Variants in SIK3 observed in about 807,000 individuals in gnomAD.
SIK3 encodes serine/threonine-protein kinase SIK3.
SIK3 carries 28 observed loss-of-function variants against 144.2 expected under a neutral mutation model. The ratio of observed to expected loss-of-function variants is 0.19; its 90% CI spans 0.14 to 0.27. SIK3 has a LOEUF of 0.27. Ranked by LOEUF, SIK3 falls within the 10% of genes least tolerant of loss-of-function variation. The probability of loss-of-function intolerance (pLI) is 1.00; values close to 1 mark genes in which losing one functional copy is unlikely to be tolerated. For missense variants in SIK3, 1,319 were observed against 1,776.0 expected, an observed-to-expected ratio of 0.74 and a Z score of 4.62; for synonymous variants, 686 against 676.3, an observed-to-expected ratio of 1.01 and a Z score of -0.22.
At chr11:116,935,818 G>A (rs959769149) in intron 3 of SIK3, among the ~76,000 whole-genome samples, 1 of 152,182 alleles carries the variant, frequency 6.6e-6, no homozygotes, top group African/African-American at 2.4e-5. Context: ...AACAGCTCAA[G>A]TACATGTCTC....
intron 1 of SIK3, among the ~76,000 whole-genome samples, chr11:117,087,326 C>G (rs996843671): frequency 6.6e-6 from 1 of 151,976 alleles, no homozygotes; most frequent in Non-Finnish European, 1.5e-5. Context: ...ACCTGTAATC[C>G]CAGCTACTAG....
intron 1 of SIK3, among the ~76,000 whole-genome samples, chr11:117,063,327 A>G (rs1953881655): frequency 6.6e-6 from 1 of 152,130 alleles, no homozygotes; most frequent in African/African-American, 2.4e-5. Flanking sequence ...TTCCCCCACA[A>G]AGGAGGGGGA....
chr11:116,980,688 A>G (rs1950109954), intron 1 of SIK3, among the ~76,000 whole-genome samples: 1 of 152,110 alleles, frequency 6.6e-6, no homozygotes, highest in Non-Finnish European at 1.5e-5. Flanking sequence ...CCCTGTCTCT[A>G]CTAAAAATAA....
chr11:117,005,583 T>C (rs2135642461), intron 1 of SIK3, among the ~76,000 whole-genome samples: 1 of 152,210 alleles, frequency 6.6e-6, no homozygotes, highest in East Asian at 1.9e-4. Flanking sequence ...TTGAATCCAG[T>C]CATGTCATTT....
At chr11:117,000,300 G>A (rs940696424) in intron 1 of SIK3, among the ~76,000 whole-genome samples, 2 of 152,292 alleles carry the variant, frequency 1.3e-5, no homozygotes, top group African/African-American at 4.8e-5. Flanking sequence ...CAATACAGAA[G>A]ATGTGCACAG....
intron 3 of SIK3, among the ~76,000 whole-genome samples, chr11:116,932,519 C>T (rs1947671424): frequency 6.6e-6 from 1 of 152,150 alleles, no homozygotes; most frequent in Non-Finnish European, 1.5e-5. Context: ...CGGACTCAGT[C>T]ATTACTGAGT....
intron 4 of SIK3, 82 bp from the exon 5 acceptor site, chr11:116,897,399 A>G: frequency 2.5e-6 from 3 of 1,211,002 alleles, no homozygotes; most frequent in Middle Eastern, 2.2e-4. Flanking sequence ...GTCACTAAAG[A>G]TTCCAAATCA....
intron 1 of SIK3, among the ~76,000 whole-genome samples, chr11:117,091,744 C>A (rs1210571686): frequency 6.6e-6 from 1 of 152,158 alleles, no homozygotes. Flanking sequence ...AGGATTCTTG[C>A]TCTTAACCAT....
chr11:116,858,740 G>A lies in SIK3; in HGVS notation c.2766-41C>T. 3 of 1,515,344 alleles carry A rather than the reference G, an allele frequency of 2.0e-6. No homozygotes were observed. The highest frequency in any genetic ancestry group is 4.6e-5 in the East Asian group (2 of 43,914). 93.9% of individuals were successfully genotyped at this position (1,515,344 alleles called of 1,614,324 possible). On this transcript the variant is annotated intron_variant, in intron 20 of 24. Coordinates refer to ENST00000445177, the MANE Select transcript of SIK3 (RefSeq NM_001366686.3). The surrounding 1 kb of genome is among the most constrained non-coding windows in gnomAD (Gnocchi z 5.4). ...GGAGTACCAGACATCCATGTAACAA[G>A]TACTAGACTTCCTGGGAACAGCTCC...
intron 1 of SIK3, among the ~76,000 whole-genome samples, chr11:116,980,026 T>C (rs1950085394): frequency 6.6e-6 from 1 of 152,214 alleles, no homozygotes; most frequent in Non-Finnish European, 1.5e-5. Context: ...TTTCTTCAGA[T>C]CCATTTTCCA....
At chr11:117,003,454 G>A (rs1591516979) in intron 1 of SIK3, among the ~76,000 whole-genome samples, 2 of 152,106 alleles carry the variant, frequency 1.3e-5, no homozygotes, top group African/African-American at 4.8e-5. Context: ...TGACCTGAAA[G>A]TACCTCATAA....
intron 1 of SIK3, among the ~76,000 whole-genome samples, chr11:117,040,762 C>T (rs970041180): frequency 1.3e-5 from 2 of 152,080 alleles, no homozygotes; most frequent in South Asian, 2.1e-4. Context: ...ACCAGATTAT[C>T]CAGAAACTTA....
At chr11:116,953,935 G>T in intron 3 of SIK3, 109 bp downstream of exon 3, 1 of 744,536 alleles carries the variant, frequency 1.3e-6, no homozygotes, top group Non-Finnish European at 2.3e-6. Flanking sequence ...CAGGATTGAA[G>T]AACAGCATCA....
intron 1 of SIK3, among the ~76,000 whole-genome samples, chr11:117,051,525 T>C (rs1258638215): frequency 6.6e-6 from 1 of 151,876 alleles, no homozygotes; most frequent in Non-Finnish European, 1.5e-5. Flanking sequence ...TTTGGGGTTT[T>C]TTTCCTTGTT....
chr11:116,982,826 C>A (rs1322795617), intron 1 of SIK3, among the ~76,000 whole-genome samples: 3 of 151,478 alleles, frequency 2.0e-5, no homozygotes, highest in Non-Finnish European at 4.4e-5. Context: ...CACCTGTAGT[C>A]CCAGTTACTC....
chr11:116,956,910 G>T (rs1158532078), intron 2 of SIK3, 38 bp downstream of exon 2: 3 of 1,304,732 alleles, frequency 2.3e-6, no homozygotes, highest in African/African-American at 3.0e-5. Flanking sequence ...AATATTCTGG[G>T]TTCTTTGCAG....
rs781537251 is a variant in SIK3 at position 116,862,246 on chromosome 11, A to G, written c.2185T>C (p.Tyr729His). 4 of 1,614,222 alleles carry G rather than the reference A, an allele frequency of 2.5e-6. No individual in the cohort carries two copies. The highest frequency in any genetic ancestry group is 3.4e-6 in the Non-Finnish European group (4 of 1,180,024). ...LEKTQQQHML[Y>H]QQEQHHQILQ... ...ATTTGATGGTGCTGCTCCTGCTGGT[A>G]TAACATATGCTGCTGCTGGGTCTTC... Residue 729 changes from tyrosine to histidine, a missense_variant, in exon 17 of 25, where the codon TAC becomes CAC. Transcript: ENST00000445177.
chr11:116,971,532 C>T (rs866444296), intron 1 of SIK3, among the ~76,000 whole-genome samples: 2 of 152,040 alleles, frequency 1.3e-5, no homozygotes, highest in African/African-American at 2.4e-5. Context: ...CCTAATATGT[C>T]CCAAGGCACT....
chr11:117,008,928 T>C (rs1036753675), intron 1 of SIK3, among the ~76,000 whole-genome samples: 1 of 152,074 alleles, frequency 6.6e-6, no homozygotes, highest in African/African-American at 2.4e-5. Context: ...AGATAACAGT[T>C]GGTGATTTTA....
Sources: gnomAD v4.1 joint callset for allele counts (sites outside exome capture counted in the v4.1 genomes callset) on GRCh38, gnomAD v4.1.1 for gene constraint, Gnocchi (gnomAD v3.1) non-coding constraint, MANE v1.5 for transcripts, NCBI Gene and HGNC (gene_info 2026-07-23, HGNC 2026-07-21) for gene names.